The following CLIC4 variants were observed in gnomAD, a reference collection of about 807,000 sequenced individuals.
The protein encoded by CLIC4 is CLIC family member 4.
Under a neutral mutation model 24.6 loss-of-function variants are expected in CLIC4, and 13 were observed. The ratio of observed to expected loss-of-function variants is 0.53; its 90% confidence interval spans 0.34 to 0.84. The LOEUF is 0.84. Among genes scored for constraint, CLIC4 ranks in the 40% least tolerant of loss-of-function variants. The probability of loss-of-function intolerance (pLI) is 0.01; values close to 1 mark genes in which losing one functional copy is unlikely to be tolerated. For synonymous variants in CLIC4, 104 were observed against 111.3 expected, an observed-to-expected ratio of 0.93 and a Z score of 0.41; for missense variants, 227 against 301.7, an observed-to-expected ratio of 0.75 and a Z score of 1.83.
At chr1:24,746,302 C>T (rs1571224248) in intron 1 of CLIC4, among the ~76,000 whole-genome samples, 4 of 152,142 alleles carry the variant, frequency 2.6e-5, no homozygotes, top group Admixed American at 2.6e-4. Flanking sequence ...ATTTTGGCTT[C>T]TCCCCCCGGC....
chr1:24,748,128 A>T (rs1466242445), intron 1 of CLIC4, among the ~76,000 whole-genome samples: 1 of 152,154 alleles, frequency 6.6e-6, no homozygotes, highest in African/African-American at 2.4e-5. Context: ...AAAATTAAGT[A>T]TCTGAATTAG....
At chr1:24,782,249 A>T (rs1273435176) in intron 1 of CLIC4, among the ~76,000 whole-genome samples, 1 of 152,224 alleles carries the variant, frequency 6.6e-6, no homozygotes, top group African/African-American at 2.4e-5. Context: ...ACCATGATTT[A>T]TTGGGAGATG....
intron 4 of CLIC4, among the ~76,000 whole-genome samples, chr1:24,829,116 T>C (rs1050893240): frequency 6.6e-6 from 1 of 152,180 alleles, no homozygotes; most frequent in African/African-American, 2.4e-5. Flanking sequence ...CCCACCCAGA[T>C]GCTGACAATT....
chr1:24,821,703 C>A (rs1639736377), intron 3 of CLIC4, among the ~76,000 whole-genome samples: 1 of 152,044 alleles, frequency 6.6e-6, no homozygotes, highest in African/African-American at 2.4e-5. Flanking sequence ...AGGTGCACAC[C>A]ACCACGCCTG....
rs1639935517 is a variant in CLIC4, at chr1:24,840,911, GA to G, written c.737del (p.Asp246ValfsTer2). On this transcript the variant is annotated frameshift_variant, in exon 6 of 6. Coordinates refer to ENST00000374379, the MANE Select transcript of CLIC4 (RefSeq NM_013943.3). LOFTEE classifies it high-confidence loss of function. ...SDKEVEIAYS[D>X]VAKRLTK is the part of the protein sequence containing the mutation. ...TAAGGAGGTTGAAATAGCATATAGT[GA>G]TGTAGCCAAAAGACTCACCAAGTAA... 1 of 1,598,384 alleles carries G rather than the reference GA, an allele frequency of 6.3e-7. No homozygotes were observed. The highest frequency in any genetic ancestry group is 8.5e-7 in the Non-Finnish European group (1 of 1,173,444).
At chr1:24,809,949 AT>A (rs1328070039) in intron 2 of CLIC4, among the ~76,000 whole-genome samples, 1 of 152,226 alleles carries the variant, frequency 6.6e-6, no homozygotes, top group Non-Finnish European at 1.5e-5. Flanking sequence ...TGCTTTTATA[AT>A]TATGAAAGTT....
chr1:24,818,773 A>G (rs1031834710), intron 3 of CLIC4, among the ~76,000 whole-genome samples: 1 of 151,332 alleles, frequency 6.6e-6, no homozygotes, highest in African/African-American at 2.4e-5. Flanking sequence ...GAATCAGGAA[A>G]GGCTTTAGAG....
chr1:24,764,435 C>T (rs1291220484), intron 1 of CLIC4, among the ~76,000 whole-genome samples: 2 of 151,316 alleles, frequency 1.3e-5, no homozygotes, highest in African/African-American at 2.4e-5. Flanking sequence ...CTTTGGGAGG[C>T]GAGGCAGGTG....
At chr1:24,837,950 T>C (rs930620766) in intron 4 of CLIC4, among the ~76,000 whole-genome samples, 10 of 152,254 alleles carry the variant, frequency 6.6e-5, no homozygotes, top group East Asian at 1.9e-4. Context: ...TGTTCATTTA[T>C]GTTCTCATAA....
chr1:24,745,658 A>AT (rs1638679187), intron 1 of CLIC4, 33 bp downstream of exon 1: 1 of 1,512,100 alleles, frequency 6.6e-7, no homozygotes, highest in African/African-American at 1.4e-5. Flanking sequence ...CGCCCGGCAG[A>AT]TCCCCCGGCT....
intron 1 of CLIC4, among the ~76,000 whole-genome samples, chr1:24,758,507 G>C (rs986172248): frequency 6.6e-6 from 1 of 151,922 alleles, no homozygotes; most frequent in Admixed American, 6.6e-5. Context: ...ACCCAGGCTG[G>C]GGTGCACTGG....
At chr1:24,759,825 G>A (rs892075716) in intron 1 of CLIC4, among the ~76,000 whole-genome samples, 3 of 152,148 alleles carry the variant, frequency 2.0e-5, no homozygotes, top group Admixed American at 6.6e-5. Context: ...GTGGTGGCAC[G>A]TGCCTGTATT....
chr1:24,794,601 G>C (rs1639376914), intron 1 of CLIC4, among the ~76,000 whole-genome samples: 1 of 152,056 alleles, frequency 6.6e-6, no homozygotes, highest in South Asian at 2.1e-4. Flanking sequence ...TTTGTCAGAT[G>C]CATATTTTGC....
At chr1:24,757,308 G>A (rs1019572537) in intron 1 of CLIC4, among the ~76,000 whole-genome samples, 2 of 152,176 alleles carry the variant, frequency 1.3e-5, no homozygotes, top group African/African-American at 4.8e-5. Flanking sequence ...TGGGATTACA[G>A]GCATGAGCCA....
chr1:24,814,715 T>C (rs887923126), intron 3 of CLIC4, among the ~76,000 whole-genome samples: 4 of 152,236 alleles, frequency 2.6e-5, no homozygotes. Flanking sequence ...TTTACTTACT[T>C]CTTTGAGGTG....
At chr1:24,784,966 T>C (rs1557801940) in intron 1 of CLIC4, among the ~76,000 whole-genome samples, 2 of 142,102 alleles carry the variant, frequency 1.4e-5, no homozygotes, top group Non-Finnish European at 1.5e-5. Context: ...ATCGCGCCAC[T>C]GCACTCCAGC....
chr1:24,783,558 C>G (rs1296379186), intron 1 of CLIC4, among the ~76,000 whole-genome samples: 3 of 151,964 alleles, frequency 2.0e-5, no homozygotes, highest in Non-Finnish European at 4.4e-5. Flanking sequence ...AAGAAATTAG[C>G]CGGGTGTGGT....
At chr1:24,780,741 C>T (rs1639193363) in intron 1 of CLIC4, among the ~76,000 whole-genome samples, 1 of 152,290 alleles carries the variant, frequency 6.6e-6, no homozygotes. Context: ...TGTATTTTTA[C>T]AAGATCGTCT....
In CLIC4 at chr1:24,837,387, A is replaced by G. The variant is rs189065734; in HGVS notation, c.416-2473A>G. ...AGGAATTAAAAATGTGAATATTCTT[A>G]TATCATTTAAATTTCTTATAATTAA... On this transcript the variant is annotated intron_variant, in intron 4 of 5. Coordinates refer to ENST00000374379, the MANE Select transcript of CLIC4 (RefSeq NM_013943.3). Among the ~76,000 whole-genome samples, 1,113 of 152,290 alleles carry G rather than the reference A, an allele frequency of 7.3e-3. 8 individuals carry two copies. The highest frequency in any genetic ancestry group is 0.012 in the Non-Finnish European group (827 of 68,016).
Sources: gnomAD v4.1 joint callset for allele counts (sites outside exome capture counted in the v4.1 genomes callset) on GRCh38, gnomAD v4.1.1 for gene constraint, MANE v1.5 for transcripts, NCBI Gene and HGNC (gene_info 2026-07-23, HGNC 2026-07-21) for gene names.